The following MTUS1 variants were observed in gnomAD, a reference collection of about 807,000 sequenced individuals.
MTUS1 encodes the protein microtubule-associated tumor suppressor 1.
Under a neutral mutation model 120.8 loss-of-function variants are expected in MTUS1, and 109 were observed. The observed-to-expected ratio is 0.90, with a 90% CI of 0.77 to 1.06. The LOEUF (loss-of-function observed/expected upper bound fraction) is 1.06. Ranked by LOEUF, MTUS1 falls within the 50% of genes least tolerant of loss-of-function variation. MTUS1 has a pLI of 0.00. For missense variants in MTUS1, 2,210 were observed against 1,486.3 expected, an observed-to-expected ratio of 1.49 and a Z score of -8.01; for synonymous variants, 737 against 550.5, an observed-to-expected ratio of 1.34 and a Z score of -4.74.
chr8:17,751,566 G>GAA (rs61384260), intron 2 of MTUS1, among the ~76,000 whole-genome samples: 10 of 151,906 alleles, frequency 6.6e-5, no homozygotes, highest in Admixed American at 6.5e-4. Context: ...ACATGATCGT[G>GAA]AAAAAAGAGT....
At chr8:17,773,569 AG>A (rs1286753465) in intron 1 of MTUS1, among the ~76,000 whole-genome samples, 1 of 152,156 alleles carries the variant, frequency 6.6e-6, no homozygotes, top group East Asian at 1.9e-4. Context: ...GTGTCTGGTA[AG>A]GACCATCTTG....
intron 8 of MTUS1, among the ~76,000 whole-genome samples, chr8:17,664,360 C>T (rs994405021): frequency 4.6e-5 from 7 of 152,052 alleles, no homozygotes; most frequent in Non-Finnish European, 7.4e-5. Context: ...AAAGAAGAGA[C>T]GAACAGGAAA....
At chr8:17,793,610 G>A (rs144719009) in intron 1 of MTUS1, among the ~76,000 whole-genome samples, 83 of 152,118 alleles carry the variant, frequency 5.5e-4, no homozygotes, top group African/African-American at 2.0e-3. Flanking sequence ...TATCCTTAAG[G>A]AGCTTACAAG....
At chr8:17,723,890 C>CT in intron 3 of MTUS1, 57 bp from the exon 4 acceptor site, 1 of 1,422,438 alleles carries the variant, frequency 7.0e-7, no homozygotes, top group South Asian at 1.4e-5. Flanking sequence ...AAAGCTGGCA[C>CT]TTTTTAAGCC....
At chr8:17,701,165 A>G (rs932730672) in intron 6 of MTUS1, among the ~76,000 whole-genome samples, 6 of 152,184 alleles carry the variant, frequency 3.9e-5, no homozygotes, top group African/African-American at 1.4e-4. Flanking sequence ...TTAGCCTAAT[A>G]TGGAATATTA....
At chr8:17,707,177 G>A (rs1820341396) in intron 6 of MTUS1, among the ~76,000 whole-genome samples, 1 of 152,152 alleles carries the variant, frequency 6.6e-6, no homozygotes, top group Admixed American at 6.5e-5. Context: ...AAGTCAAGGT[G>A]ATTTTCAGTC....
intron 3 of MTUS1, among the ~76,000 whole-genome samples, chr8:17,726,357 T>C (rs897762937): frequency 6.6e-6 from 1 of 152,182 alleles, no homozygotes; most frequent in Non-Finnish European, 1.5e-5. Context: ...CCTCACACCA[T>C]GTACTTGTTT....
intron 1 of MTUS1, among the ~76,000 whole-genome samples, chr8:17,795,665 A>C (rs926981760): frequency 6.6e-6 from 1 of 152,192 alleles, no homozygotes; most frequent in Non-Finnish European, 1.5e-5. Flanking sequence ...TTTTAGACAG[A>C]GTCTTACTCT....
At position 17,768,321 on chromosome 8, in the gene MTUS1, C is replaced by T. The variant is rs1025079389; in HGVS notation, c.-154-12360G>A. Among the ~76,000 whole-genome samples the T allele has an allele frequency of 3.3e-5, 5 of 152,088 alleles. No homozygotes were observed. In the East Asian group the frequency reaches 9.6e-4, roughly 29 times the overall value. On this transcript the variant is annotated intron_variant, in intron 1 of 14. Transcript: ENST00000693296. ...TTTCCAGGGTCTTGAAGGTCTTTTA[C>T]TCAATCCAAAATAAATAAAAGAGAG...
chr8:17,724,071 G>C lies in MTUS1; in HGVS notation c.2288-238C>G. 3 of 579,116 alleles carry C rather than the reference G, an allele frequency of 5.2e-6. No individual in the cohort carries two copies. The South Asian group carries it at 5.3e-5, about 10-fold the overall frequency. The allele number at this position is 579,116 out of a possible 1,614,324, so 35.9% of individuals were successfully genotyped here. On this transcript the variant is annotated intron_variant, in intron 3 of 14. Coordinates refer to ENST00000693296, the MANE Select transcript of MTUS1 (RefSeq NM_001363059.2). ...CAATTAGGATATGAGAAGTGTAGGA[G>C]TAACCCTGTCTCCTAAAGTAATTAA...
chr8:17,793,320 G>A (rs1044525855), intron 1 of MTUS1, among the ~76,000 whole-genome samples: 6 of 152,108 alleles, frequency 3.9e-5, no homozygotes, highest in African/African-American at 1.2e-4. Context: ...CCGTTCAGTC[G>A]GACACAAGAC....
chr8:17,680,476 A>ATT (rs1814192353), intron 7 of MTUS1, among the ~76,000 whole-genome samples: 1 of 147,728 alleles, frequency 6.8e-6, no homozygotes, highest in African/African-American at 2.6e-5. Context: ...AAAAAAAAAA[A>ATT]AAAAAAAAAA....
intron 12 of MTUS1, among the ~76,000 whole-genome samples, chr8:17,650,451 G>C (rs1041637200): frequency 6.6e-6 from 1 of 152,080 alleles, no homozygotes; most frequent in African/African-American, 2.4e-5. Context: ...ACGTTGACTG[G>C]GCCATACTTC....
At chr8:17,661,397 C>G (rs970174236) in intron 8 of MTUS1, among the ~76,000 whole-genome samples, 2 of 152,150 alleles carry the variant, frequency 1.3e-5, no homozygotes, top group East Asian at 1.9e-4. Flanking sequence ...ATATCTGGGA[C>G]AGAAACATCT....
At chr8:17,778,956 G>C (rs1196034534) in intron 1 of MTUS1, among the ~76,000 whole-genome samples, 3 of 152,138 alleles carry the variant, frequency 2.0e-5, no homozygotes, top group Non-Finnish European at 4.4e-5. Context: ...AATGCCAAAT[G>C]CTCTGCTATG....
rs567452347 is a variant in MTUS1, at chr8:17,734,887, T to G, written c.2287+8717A>C. 7.9e-5 allele frequency among the ~76,000 whole-genome samples: 12 copies of G among 152,196 alleles called. No homozygotes were observed. The South Asian group carries it at 2.5e-3, about 32-fold the overall frequency. On this transcript the variant is annotated intron_variant, in intron 3 of 14. Transcript: ENST00000693296. ...CTGAGCAATGAGGTGGTGAGATCAT[T>G]GAGACCTCAAAACTTCACACCAACT...
chr8:17,800,535 C>T (rs1360903026), intron 1 of MTUS1: 1 of 152,092 alleles, frequency 6.6e-6, no homozygotes, highest in Non-Finnish European at 1.5e-5. Context: ...CAAAAAAGAA[C>T]AAAAACGTTC....
chr8:17,766,574 G>A lies in MTUS1; in HGVS notation c.-154-10613C>T, dbSNP rs115831832. ...TAAGTATTTGTGAGGCAATCTATGC[G>A]AACTCTGAACTTACCTAGTTGGCTT... On this transcript the variant is annotated intron_variant, in intron 1 of 14. Transcript: ENST00000693296. Among the ~76,000 whole-genome samples, 638 of 152,310 alleles carry A rather than the reference G, an allele frequency of 4.2e-3. 3 individuals are homozygous for A. The highest frequency in any genetic ancestry group is 0.015 in the African/African-American group (603 of 41,560).
intron 1 of MTUS1, among the ~76,000 whole-genome samples, chr8:17,783,079 AAAAC>A (rs36064055): frequency 7.9e-5 from 12 of 151,878 alleles, no homozygotes; most frequent in African/African-American, 2.4e-4. Flanking sequence ...ATTCTGTCTC[AAAAC>A]AAACAAACAA....
Sources: gnomAD v4.1 joint callset for allele counts (sites outside exome capture counted in the v4.1 genomes callset) on GRCh38, gnomAD v4.1.1 for gene constraint, MANE v1.5 for transcripts, NCBI Gene and HGNC (gene_info 2026-07-23, HGNC 2026-07-21) for gene names.